Variants in ALPK2 observed in about 807,000 individuals in gnomAD.
ALPK2 encodes the protein alpha kinase 2, also known as alpha-protein kinase 2.
Under a neutral mutation model 163.1 loss-of-function variants are expected in ALPK2, and 127 were observed. The ratio of observed to expected loss-of-function variants is 0.78; its 90% CI spans 0.67 to 0.90. The LOEUF is 0.90. Among genes scored for constraint, ALPK2 ranks in the 40% least tolerant of loss-of-function variants. The pLI is 0.00. For missense variants in ALPK2, 2,360 were observed against 2,589.6 expected (o/e 0.91, Z 1.92); for synonymous variants, 953 against 959.1 (o/e 0.99, Z 0.12).
chr18:58,570,667 G>T (rs1462859648), intron 4 of ALPK2, among the ~76,000 whole-genome samples: 1 of 152,160 alleles, frequency 6.6e-6, no homozygotes, highest in African/African-American at 2.4e-5. Context: ...TCTGTCTCTA[G>T]GTCTCTCTCT....
chr18:58,516,259 A>G (rs113857415), intron 9 of ALPK2, among the ~76,000 whole-genome samples: 42 of 151,382 alleles, frequency 2.8e-4, no homozygotes, highest in Middle Eastern at 3.5e-3. Flanking sequence ...AAATATATGG[A>G]CCAAATATGT....
chr18:58,527,324 A>G (rs2051589622), intron 6 of ALPK2, among the ~76,000 whole-genome samples: 1 of 152,254 alleles, frequency 6.6e-6, no homozygotes, highest in African/African-American at 2.4e-5. Flanking sequence ...TCAATAAACA[A>G]ATGAATTATA....
chr18:58,513,121 GTGTT>G (rs761514884), intron 10 of ALPK2, among the ~76,000 whole-genome samples: 33 of 150,178 alleles, frequency 2.2e-4, no homozygotes, highest in South Asian at 8.5e-4. Flanking sequence ...TATGTGGTGT[GTGTT>G]TGTATGTAAT....
chr18:58,535,254 A>C lies in ALPK2; in HGVS notation c.4933T>G (p.Ser1645Ala). 6.2e-7 allele frequency: 1 copy of C among 1,614,110 alleles called. No individual in the cohort carries two copies. The highest frequency in any genetic ancestry group is 8.5e-7 in the Non-Finnish European group (1 of 1,180,016). Residue 1645 changes from serine to alanine, a missense_variant, in exon 5 of 13, where the codon TCA becomes GCA. By Grantham distance (99) the Ser-to-Ala change is moderately conservative. Coordinates refer to ENST00000361673, the MANE Select transcript of ALPK2 (RefSeq NM_052947.4). ...LQIGETKPPS[S>A]SSSSAKTLAF... ...AAGGTCTTCGCTGAGGAGCTAGATG[A>C]GCTTGGGGGTTTGGTTTCCCCAATT...
At chr18:58,607,488 G>T in intron 2 of ALPK2, 49 bp from the exon 3 acceptor site, 2 of 904,152 alleles carry the variant, frequency 2.2e-6, no homozygotes, top group Non-Finnish European at 3.1e-6. Flanking sequence ...GTATTTTTAG[G>T]AAAAAAAAAA....
At chr18:58,492,802 C>A (rs1052038490) in intron 12 of ALPK2, among the ~76,000 whole-genome samples, 5 of 152,170 alleles carry the variant, frequency 3.3e-5, no homozygotes, top group African/African-American at 1.2e-4. Flanking sequence ...ACAGAACTGT[C>A]CTTTGTAAGA....
intron 4 of ALPK2, among the ~76,000 whole-genome samples, chr18:58,573,306 A>ATATATATGTGTGTATATATG (rs2051897894): frequency 3.3e-5 from 3 of 90,546 alleles, no homozygotes; most frequent in Admixed American, 1.1e-4. Context: ...ATATGTGTGT[A>ATATATATGTGTGTATATATG]TATATATGTG....
At chr18:58,611,589 T>C in intron 2 of ALPK2, 100 bp downstream of exon 2, 2 of 1,055,070 alleles carry the variant, frequency 1.9e-6, no homozygotes, top group South Asian at 1.4e-5. Context: ...ACTTCCAAGG[T>C]AATTTTCCCA....
chr18:58,515,079 T>C lies in ALPK2; in HGVS notation c.5943A>G (p.Glu1981=), dbSNP rs766637512. The change falls in exon 10 of 13, where the codon GAA becomes GAG. Residue 1981 remains glutamate (E), a splice_region_variant and synonymous_variant. Transcript: ENST00000361673. The part of the protein sequence containing the change: ...IQRNYKLAAQ[E]CYVQNTARYY... ...ACCTGGCAGTATTTTGAACATAGCA[T>C]TCCTATATCGCCAAAATACATAGAA... 2 of 1,610,232 alleles carry C rather than the reference T, an allele frequency of 1.2e-6. No homozygotes were observed. Among genetic ancestry groups the C allele is most frequent in the South Asian group, 2.2e-5 (2 of 90,708 alleles).
At chr18:58,513,973 G>C (rs1254600029) in intron 10 of ALPK2, among the ~76,000 whole-genome samples, 1 of 152,232 alleles carries the variant, frequency 6.6e-6, no homozygotes, top group African/African-American at 2.4e-5. Flanking sequence ...CTGTGGTTCT[G>C]TGTGTGGTAG....
At chr18:58,617,671 A>C (rs10164080) in intron 1 of ALPK2, among the ~76,000 whole-genome samples, 36,724 of 152,110 alleles carry the variant, frequency 0.24, 4,572 homozygotes, top group Middle Eastern at 0.33. Flanking sequence ...CATTACACAT[A>C]TAATCATCTA....
chr18:58,541,386 AG>A (rs2051688951), intron 4 of ALPK2, among the ~76,000 whole-genome samples: 1 of 152,268 alleles, frequency 6.6e-6, no homozygotes. Flanking sequence ...GCCATTCATG[AG>A]GAACCACCCG....
rs758281980 is a variant in ALPK2, at chr18:58,535,145, G to A, written c.5042C>T (p.Ala1681Val). ...DPCQKGTLGC[A>V]KKSREREKSL... The stretch of plus-strand genomic sequence containing the variant: ...CTTCTCTCTCTCCCTGGACTTTTTC[G>A]CACAGCCCAGGGTGCCCTTTTGACA... Residue 1681 changes from alanine (A) to valine (V), a missense_variant, in exon 5 of 13, where the codon GCG becomes GTG. Transcript: ENST00000361673. 11 of 1,613,802 alleles carry A rather than the reference G, an allele frequency of 6.8e-6. No individual in the cohort carries two copies. The highest frequency in any genetic ancestry group is 3.3e-5 in the South Asian group (3 of 91,060).
intron 5 of ALPK2, among the ~76,000 whole-genome samples, chr18:58,532,272 A>C (rs1380202658): frequency 2.0e-5 from 3 of 152,220 alleles, no homozygotes; most frequent in African/African-American, 7.2e-5. Context: ...CCTAAAGAAA[A>C]GTGGGTGCCA....
At chr18:58,529,351 G>A in intron 5 of ALPK2, 113 bp from the exon 6 acceptor site, 1 of 1,178,554 alleles carries the variant, frequency 8.5e-7, no homozygotes, top group East Asian at 2.5e-5. Context: ...CCCCAATTAT[G>A]GAAGTGAGAA....
At position 58,536,951 on chromosome 18, in the gene ALPK2, A is replaced by T. The variant is rs140909549; in HGVS notation, c.3236T>A (p.Val1079Glu). 6.2e-7 allele frequency: 1 copy of T among 1,614,212 alleles called. No individual in the cohort carries two copies. ...TKELLCRAPS[V>E]PGVPHHVLQL... ...CAGGACATGGTGTGGGACTCCTGGC[A>T]CACTGGGTGCCCTGCAAAGTAGCTC... The change falls in exon 5 of 13, where the codon GTG becomes GAG. Residue 1079 changes from valine to glutamate, a missense_variant. Physicochemically the swap from Val to Glu is moderately radical, Grantham distance 121 (BLOSUM62 -2). Coordinates refer to ENST00000361673, the MANE Select transcript of ALPK2 (RefSeq NM_052947.4).
At chr18:58,534,069 C>T (rs2051630122) in intron 5 of ALPK2, among the ~76,000 whole-genome samples, 1 of 151,952 alleles carries the variant, frequency 6.6e-6, no homozygotes, top group African/African-American at 2.4e-5. Context: ...TGAAATAAAA[C>T]AGGCTAAAAT....
At chr18:58,505,423 G>A (rs1017172580) in intron 10 of ALPK2, among the ~76,000 whole-genome samples, 3 of 151,948 alleles carry the variant, frequency 2.0e-5, no homozygotes, top group African/African-American at 7.3e-5. Flanking sequence ...CTCACCTCCC[G>A]GTCTGTGCCC....
chr18:58,544,966 C>T (rs767261688), intron 4 of ALPK2: 2 of 152,220 alleles, frequency 1.3e-5, no homozygotes, highest in Non-Finnish European at 2.9e-5. Context: ...CAAGGGACTT[C>T]TGGGGAAGCT....
Sources: allele counts gnomAD v4.1 joint callset (sites outside exome capture counted in the v4.1 genomes callset), GRCh38; gene constraint gnomAD v4.1.1; transcripts MANE v1.5; gene names NCBI Gene and HGNC (gene_info 2026-07-23, HGNC 2026-07-21).